PTPRB: variants seen among roughly 807,000 people sequenced by gnomAD.
PTPRB encodes receptor-type tyrosine-protein phosphatase beta.
PTPRB carries 97 observed loss-of-function variants against 238.1 expected under a neutral mutation model. That is an observed-to-expected ratio of 0.41 (90% CI 0.35 to 0.48). The LOEUF is 0.48. Among genes scored for constraint, PTPRB ranks in the 20% least tolerant of loss-of-function variants. The probability of loss-of-function intolerance (pLI) is 0.30; values close to 1 mark genes in which losing one functional copy is unlikely to be tolerated. For synonymous variants in PTPRB, 970 were observed against 995.4 expected, an observed-to-expected ratio of 0.97 and a Z score of 0.48; for missense variants, 2,292 against 2,681.9, an observed-to-expected ratio of 0.85 and a Z score of 3.21.
chr12:70,612,500 T>A (rs1041037445), intron 3 of PTPRB, among the ~76,000 whole-genome samples: 6 of 152,148 alleles, frequency 3.9e-5, no homozygotes, highest in Non-Finnish European at 1.5e-5. Context: ...TTGTCCTACA[T>A]AAGGACACTA....
intron 7 of PTPRB, chr12:70,592,063 A>G (rs1032690776): frequency 3.3e-6 from 2 of 604,250 alleles, no homozygotes; most frequent in African/African-American, 1.9e-5. Context: ...TGACATGAAA[A>G]AGCATAAGAC....
intron 32 of PTPRB, among the ~76,000 whole-genome samples, chr12:70,530,796 T>C (rs1873121488): frequency 6.6e-6 from 1 of 152,218 alleles, no homozygotes; most frequent in African/African-American, 2.4e-5. Context: ...TAGGCTGGTG[T>C]CAAACTCCTG....
At chr12:70,628,041 G>A (rs1396354046) in intron 2 of PTPRB, among the ~76,000 whole-genome samples, 1 of 152,094 alleles carries the variant, frequency 6.6e-6, no homozygotes, top group Non-Finnish European at 1.5e-5. Flanking sequence ...ACTTTAACCA[G>A]CAGTTAAATC....
At chr12:70,587,344 C>CAG in intron 8 of PTPRB, 77 bp from the exon 9 acceptor site, 1 of 1,464,852 alleles carries the variant, frequency 6.8e-7, no homozygotes, top group Non-Finnish European at 9.3e-7. Flanking sequence ...TAGTTCTCCT[C>CAG]TTCCATCCTT....
intron 3 of PTPRB, among the ~76,000 whole-genome samples, chr12:70,615,010 A>G (rs1490696090): frequency 9.9e-5 from 15 of 152,158 alleles, no homozygotes; most frequent in Non-Finnish European, 2.1e-4. Context: ...GAAATAATAG[A>G]AGCATTAGGA....
chr12:70,615,752 T>C (rs1009743997), intron 3 of PTPRB, among the ~76,000 whole-genome samples: 1 of 152,184 alleles, frequency 6.6e-6, no homozygotes, highest in Non-Finnish European at 1.5e-5. Flanking sequence ...GTAGCTGCTG[T>C]ACGCTATGGA....
intron 3 of PTPRB, among the ~76,000 whole-genome samples, chr12:70,617,470 A>G (rs1884729386): frequency 6.6e-6 from 1 of 152,224 alleles, no homozygotes; most frequent in Admixed American, 6.5e-5. Context: ...ATGAAGGATC[A>G]GAGGATGGTT....
At chr12:70,586,307 C>A (rs925204896) in intron 9 of PTPRB, among the ~76,000 whole-genome samples, 2 of 152,162 alleles carry the variant, frequency 1.3e-5, no homozygotes, top group African/African-American at 4.8e-5. Context: ...TCTCCAGCAC[C>A]TGTTGTTTCT....
rs1232279857 is a variant in PTPRB, at chr12:70,539,891, A to G, written c.5679-47T>C. ...GGAAGACTTTGTTAGCAAATTTCACATAATACCATCTTTCAACAAATTATA... is the reference window on the plus strand; with the variant it reads ...GGAAGACTTTGTTAGCAAATTTCACGTAATACCATCTTTCAACAAATTATA... On this transcript the variant is annotated intron_variant, in intron 24 of 33. Transcript: ENST00000334414. 5.7e-6 allele frequency: 9 copies of G among 1,580,346 alleles called. No homozygotes were observed. In the South Asian group the frequency reaches 8.9e-5, roughly 16 times the overall value.
At chr12:70,637,224 G>T in intron 1 of PTPRB, 117 bp downstream of exon 1, 1 of 858,478 alleles carries the variant, frequency 1.2e-6, no homozygotes, top group Non-Finnish European at 1.8e-6. Flanking sequence ...ATCGTCTTTG[G>T]CTAAACTGCC....
chr12:70,539,465 T>C lies in PTPRB; in HGVS notation c.5778+160A>G, dbSNP rs898657411. 4.7e-6 allele frequency: 3 copies of C among 633,326 alleles called. No individual in the cohort carries two copies. The African/African-American group carries it at 5.5e-5, about 12-fold the overall frequency. 39.2% of individuals were successfully genotyped at this position (633,326 alleles called of 1,614,324 possible). On this transcript the variant is annotated intron_variant, in intron 26 of 33. Coordinates refer to ENST00000334414, the MANE Select transcript of PTPRB (RefSeq NM_001109754.4). ...GCCTCTAAGATTAGATGGTATATTCTATTCAGGGCATAGTTTAGGCATAAA... is the reference window on the plus strand; with the variant it reads ...GCCTCTAAGATTAGATGGTATATTCCATTCAGGGCATAGTTTAGGCATAAA...
chr12:70,587,962 G>A lies in PTPRB; in HGVS notation c.2051-695C>T, dbSNP rs148040669. Among the ~76,000 whole-genome samples, 792 of 151,648 alleles carry A rather than the reference G, an allele frequency of 5.2e-3. 7 individuals carry two copies. The highest frequency in any genetic ancestry group is 0.018 in the African/African-American group (749 of 41,388). On this transcript the variant is annotated intron_variant, in intron 8 of 33. Transcript: ENST00000334414. The stretch of plus-strand genomic sequence containing the variant: ...CTAAAAATACAAAAATTAGCCGGGC[G>A]TGGTGGCTCACATCTGTAGTCTCAG...
intron 13 of PTPRB, 31 bp from the exon 14 acceptor site, chr12:70,569,969 A>G (rs199978116): frequency 3.8e-6 from 6 of 1,562,718 alleles, no homozygotes; most frequent in Admixed American, 3.5e-5. Context: ...AAAAGTCATC[A>G]CTTAGAGAAT....
chr12:70,516,675 C>T lies in PTPRB; in HGVS notation c.*4814G>A, dbSNP rs549889989. The T allele has an allele frequency of 6.6e-6, 1 of 152,284 alleles. No homozygotes were observed. The highest frequency in any genetic ancestry group is 2.1e-4 in the South Asian group (1 of 4,828). 9.4% of individuals were successfully genotyped at this position (152,284 alleles called of 1,614,324 possible). A position where few individuals can be genotyped will look rare whatever the true frequency, so the allele number is the denominator to read the frequency against. On this transcript the variant is annotated 3_prime_UTR_variant, in exon 34 of 34. Transcript: ENST00000334414. ...ATATTATTTATTAAAATAGCTATAA[C>T]CAATTCTTTTTGTGACTGTTCTAGA...
chr12:70,538,813 G>T, intron 27 of PTPRB, 111 bp downstream of exon 27: 1 of 839,668 alleles, frequency 1.2e-6, no homozygotes, highest in Non-Finnish European at 1.9e-6. Context: ...CAGAGCTTGA[G>T]ATTGTCCATA....
At chr12:70,550,869 A>T (rs2136292892) in intron 21 of PTPRB, among the ~76,000 whole-genome samples, 1 of 151,792 alleles carries the variant, frequency 6.6e-6, no homozygotes, top group South Asian at 2.1e-4. Flanking sequence ...GTAACCAAGG[A>T]GCTGAGGAAT....
intron 7 of PTPRB, 155 bp downstream of exon 7, chr12:70,592,127 A>G: frequency 1.0e-6 from 1 of 1,000,940 alleles, no homozygotes; most frequent in East Asian, 2.5e-5. Context: ...TAAGTGACTC[A>G]GAAGAATGGG....
intron 7 of PTPRB, among the ~76,000 whole-genome samples, chr12:70,591,063 T>C (rs1882448176): frequency 6.7e-6 from 1 of 149,824 alleles, no homozygotes; most frequent in African/African-American, 2.5e-5. Context: ...CCTGAGTAGC[T>C]AGGACCACAG....
At chr12:70,538,304 T>G in intron 27 of PTPRB, 73 bp from the exon 28 acceptor site, 1 of 1,295,806 alleles carries the variant, frequency 7.7e-7, no homozygotes, top group Non-Finnish European at 1.1e-6. Context: ...TGATGTGCCT[T>G]AGCTCTGATC....
Sources: allele counts gnomAD v4.1 joint callset (sites outside exome capture counted in the v4.1 genomes callset), GRCh38; gene constraint gnomAD v4.1.1; transcripts MANE v1.5; gene names NCBI Gene and HGNC (gene_info 2026-07-23, HGNC 2026-07-21).